Variants in PTPRD observed in about 807,000 individuals in gnomAD.
PTPRD encodes receptor-type tyrosine-protein phosphatase delta.
Under a neutral mutation model 214.5 loss-of-function variants are expected in PTPRD, and 34 were observed. The observed-to-expected ratio is 0.16, with a 90% CI of 0.12 to 0.21. The LOEUF is 0.21. PTPRD is among the 10% of genes least tolerant of loss of function. The pLI is 1.00. For synonymous variants in PTPRD, 1,128 were observed against 845.7 expected (o/e 1.33, Z -5.79); for missense variants, 2,545 against 2,398.7 (o/e 1.06, Z -1.27).
chr9:9,154,357 T>C (rs1343374525), intron 10 of PTPRD, among the ~76,000 whole-genome samples: 1 of 152,150 alleles, frequency 6.6e-6, no homozygotes, highest in Non-Finnish European at 1.5e-5. Flanking sequence ...CTTTTTGAGG[T>C]AGAAAAGTCC....
intron 4 of PTPRD, among the ~76,000 whole-genome samples, chr9:9,947,082 T>G (rs1407484203): frequency 6.6e-6 from 1 of 150,576 alleles, no homozygotes; most frequent in Admixed American, 6.7e-5. Flanking sequence ...GAAATGATCT[T>G]TTTATAAAAA....
intron 5 of PTPRD, among the ~76,000 whole-genome samples, chr9:9,835,296 T>A (rs1274217205): frequency 6.6e-6 from 1 of 152,028 alleles, no homozygotes; most frequent in Non-Finnish European, 1.5e-5. Context: ...CCCTGAGACT[T>A]TTTTTTACAT....
At chr9:10,334,351 C>T (rs1351190655) in intron 3 of PTPRD, among the ~76,000 whole-genome samples, 1 of 151,598 alleles carries the variant, frequency 6.6e-6, no homozygotes, top group Non-Finnish European at 1.5e-5. Flanking sequence ...ATCCAACTTC[C>T]ACTCATGATA....
intron 5 of PTPRD, among the ~76,000 whole-genome samples, chr9:9,852,029 A>G (rs1469301930): frequency 6.6e-6 from 1 of 152,198 alleles, no homozygotes; most frequent in Non-Finnish European, 1.5e-5. Context: ...TGAAGTACAG[A>G]ATATAGTATA....
chr9:10,012,657 A>G (rs1157398977), intron 4 of PTPRD, among the ~76,000 whole-genome samples: 1 of 151,972 alleles, frequency 6.6e-6, no homozygotes, highest in Non-Finnish European at 1.5e-5. Flanking sequence ...TTATTGGAAC[A>G]TGATAATTCC....
At chr9:9,993,199 T>C (rs956513358) in intron 4 of PTPRD, among the ~76,000 whole-genome samples, 5 of 152,180 alleles carry the variant, frequency 3.3e-5, no homozygotes, top group Admixed American at 6.5e-5. Flanking sequence ...GGAGTATAAA[T>C]TGGTCTAATT....
At chr9:8,805,494 C>A (rs897965084) in intron 11 of PTPRD, among the ~76,000 whole-genome samples, 3 of 151,172 alleles carry the variant, frequency 2.0e-5, no homozygotes, top group Non-Finnish European at 4.4e-5. Flanking sequence ...GATTATAAAC[C>A]TCAATTGCAA....
intron 2 of PTPRD, among the ~76,000 whole-genome samples, chr9:10,534,705 T>TAAG (rs936761613): frequency 2.0e-5 from 3 of 152,114 alleles, no homozygotes; most frequent in African/African-American, 7.2e-5. Context: ...TACTATCTAC[T>TAAG]AAGAAGAAGA....
intron 7 of PTPRD, among the ~76,000 whole-genome samples, chr9:9,597,183 C>T (rs1460379284): frequency 6.6e-6 from 1 of 151,958 alleles, no homozygotes; most frequent in Non-Finnish European, 1.5e-5. Context: ...AAAAATCATC[C>T]TTAAAACAGA....
intron 14 of PTPRD, among the ~76,000 whole-genome samples, chr9:8,531,505 C>T (rs1420931622): frequency 1.3e-5 from 2 of 152,100 alleles, no homozygotes; most frequent in Admixed American, 6.6e-5. Flanking sequence ...AGTGCTCCAA[C>T]ACCAACTATA....
chr9:9,432,314 A>C (rs2083513347), intron 8 of PTPRD, among the ~76,000 whole-genome samples: 1 of 152,052 alleles, frequency 6.6e-6, no homozygotes. Flanking sequence ...ATACAGTCTT[A>C]ATTGGCAGAC....
chr9:9,377,084 T>C (rs1295279820), intron 9 of PTPRD, among the ~76,000 whole-genome samples: 1 of 152,116 alleles, frequency 6.6e-6, no homozygotes, highest in Non-Finnish European at 1.5e-5. Context: ...TATGGCAACA[T>C]ATATTTTTTT....
At chr9:9,066,883 A>G (rs1034967430) in intron 10 of PTPRD, among the ~76,000 whole-genome samples, 1 of 152,226 alleles carries the variant, frequency 6.6e-6, no homozygotes, top group Admixed American at 6.5e-5. Context: ...CAGAAATTCA[A>G]GAACTGTGAG....
chr9:9,047,624 G>C (rs2099675437), intron 10 of PTPRD, among the ~76,000 whole-genome samples: 1 of 152,074 alleles, frequency 6.6e-6, no homozygotes, highest in Non-Finnish European at 1.5e-5. Context: ...TTTTGACAAA[G>C]ATGCCAAGAA....
At chr9:9,313,445 A>G (rs371878522) in intron 9 of PTPRD, among the ~76,000 whole-genome samples, 2 of 152,164 alleles carry the variant, frequency 1.3e-5, no homozygotes, top group South Asian at 4.1e-4. Context: ...TAAGTGTCAG[A>G]TACAGAACAA....
At chr9:8,987,814 A>G (rs1385524841) in intron 11 of PTPRD, among the ~76,000 whole-genome samples, 1 of 152,152 alleles carries the variant, frequency 6.6e-6, no homozygotes, top group African/African-American at 2.4e-5. Context: ...TGATAAATAT[A>G]TTTAGTTGGA....
At chr9:10,311,421 C>A (rs763057929) in intron 3 of PTPRD, among the ~76,000 whole-genome samples, 1 of 151,978 alleles carries the variant, frequency 6.6e-6, no homozygotes, top group Non-Finnish European at 1.5e-5. Context: ...GTTTTGGCTT[C>A]GCTACTCATT....
chr9:8,511,212 G>C (rs994676461), intron 21 of PTPRD, among the ~76,000 whole-genome samples: 2 of 151,982 alleles, frequency 1.3e-5, no homozygotes, highest in Non-Finnish European at 2.9e-5. Context: ...GAGAGTACAG[G>C]TGTGTGCCAT....
chr9:10,396,557 C>G (rs953854362), intron 2 of PTPRD, among the ~76,000 whole-genome samples: 12 of 151,976 alleles, frequency 7.9e-5, no homozygotes, highest in African/African-American at 2.9e-4. Flanking sequence ...ATCCCTCTGC[C>G]AGATTCTGGG....
Sources: allele counts gnomAD v4.1 joint callset (sites outside exome capture counted in the v4.1 genomes callset), GRCh38; gene constraint gnomAD v4.1.1; transcripts MANE v1.5; gene names NCBI Gene and HGNC (gene_info 2026-07-23, HGNC 2026-07-21).